Variants in NCK1 observed in about 807,000 individuals in gnomAD.
NCK1 encodes SH2/SH3 adapter protein NCK1.
In NCK1, 19 loss-of-function variants were observed where a neutral mutation model predicts 36.6. The observed-to-expected ratio is 0.52, with a 90% CI of 0.36 to 0.76. The LOEUF (loss-of-function observed/expected upper bound fraction) is 0.76. NCK1 is among the 30% of genes least tolerant of loss of function. NCK1 has a pLI of 0.00. For synonymous variants in NCK1, 165 were observed against 156.0 expected, an observed-to-expected ratio of 1.06 and a Z score of -0.43; for missense variants, 358 against 445.6, an observed-to-expected ratio of 0.80 and a Z score of 1.77.
At position 136,950,014 on chromosome 3, in the gene NCK1, C is replaced by T. The variant is rs1040973907; in HGVS notation, c.*1561C>T. On this transcript the variant is annotated 3_prime_UTR_variant, in exon 4 of 4. Coordinates refer to ENST00000481752, the MANE Select transcript of NCK1 (RefSeq NM_001291999.2). ...CTTTTAAAACATTTTAGTTCATATT[C>T]TATTATTTTTCTAACTCAGTACTCC... Among the ~76,000 whole-genome samples, 22 of 151,920 alleles carry T rather than the reference C, an allele frequency of 1.4e-4. No homozygotes were observed. The highest frequency in any genetic ancestry group is 3.1e-4 in the Non-Finnish European group (21 of 67,904).
At chr3:136,913,498 G>C (rs963994873) in intron 1 of NCK1, among the ~76,000 whole-genome samples, 1 of 152,058 alleles carries the variant, frequency 6.6e-6, no homozygotes, top group African/African-American at 2.4e-5. Flanking sequence ...GAACTCCTAG[G>C]CTCAAGCAGT....
At chr3:136,912,152 A>G (rs945210648) in intron 1 of NCK1, among the ~76,000 whole-genome samples, 1 of 123,008 alleles carries the variant, frequency 8.1e-6, no homozygotes, top group Non-Finnish European at 1.7e-5. Context: ...GTTTTTAGCT[A>G]TTATTTTTTC....
At chr3:136,870,709 G>A (rs1476883545) in intron 1 of NCK1, among the ~76,000 whole-genome samples, 1 of 132,912 alleles carries the variant, frequency 7.5e-6, no homozygotes, top group East Asian at 2.3e-4. Context: ...AAAAAAAAAG[G>A]CCTGTGAGGT....
At position 136,927,970 on chromosome 3, in the gene NCK1, C is replaced by T. The variant is rs200656170; in HGVS notation, c.-18-14C>T. 172 of 1,513,950 alleles carry T rather than the reference C, an allele frequency of 1.1e-4. No individual in the cohort carries two copies. Among genetic ancestry groups the T allele is most frequent in the Non-Finnish European group, 1.5e-4 (165 of 1,094,950 alleles). 93.8% of individuals were successfully genotyped at this position (1,513,950 alleles called of 1,614,324 possible). A position where few individuals can be genotyped will look rare whatever the true frequency, so the allele number is the denominator to read the frequency against. On this transcript the variant is annotated splice_polypyrimidine_tract_variant and intron_variant, in intron 1 of 3. Transcript: ENST00000481752. ...CCTCAACCTTACATAAAAATATTTT[C>T]CATGTGTTTACAGTGCTGAAGCTGC...
intron 1 of NCK1, chr3:136,889,044 A>ATTTTTTTT (rs58385753): frequency 2.2e-3 from 198 of 91,218 alleles, no homozygotes; most frequent in African/African-American, 2.4e-3. Flanking sequence ...TAATTTTTTG[A>ATTTTTTTT]TTTTTTTTTT....
chr3:136,873,865 C>T (rs1235776279), intron 1 of NCK1, among the ~76,000 whole-genome samples: 2 of 152,182 alleles, frequency 1.3e-5, no homozygotes, highest in Admixed American at 6.5e-5. Flanking sequence ...TGAGGCCTCT[C>T]CAGCCACATG....
chr3:136,864,418 G>C (rs1053648984), intron 1 of NCK1, among the ~76,000 whole-genome samples: 1 of 152,000 alleles, frequency 6.6e-6, no homozygotes, highest in African/African-American at 2.4e-5. Flanking sequence ...ATGAACCCGG[G>C]AGTCGGAGGT....
chr3:136,945,358 T>G (rs1357522247), intron 2 of NCK1, among the ~76,000 whole-genome samples: 1 of 152,172 alleles, frequency 6.6e-6, no homozygotes, highest in Non-Finnish European at 1.5e-5. Flanking sequence ...GAAAAGATGG[T>G]GAACTGTCAT....
rs1193225368 is a variant in NCK1, at chr3:136,875,673, AAGAGACTT to A, written c.-19+13324_-19+13331del. ...TAAAGCAAGTCCTGAGTGACCTACA[AAGAGACTT>A]AGACTCCCACACATTAATAATGGGA... On this transcript the variant is annotated intron_variant, in intron 1 of 3. Coordinates refer to ENST00000481752, the MANE Select transcript of NCK1 (RefSeq NM_001291999.2). Among the ~76,000 whole-genome samples, 6 of 150,632 alleles carry A rather than the reference AAGAGACTT, an allele frequency of 4.0e-5. No individual in the cohort carries two copies. In the East Asian group the frequency reaches 9.7e-4, roughly 24 times the overall value.
At position 136,867,109 on chromosome 3, in the gene NCK1, TTTCTTTCTTTG is replaced by T. The variant is rs1938456211; in HGVS notation, c.-19+4759_-19+4769del. On this transcript the variant is annotated intron_variant, in intron 1 of 3. Transcript: ENST00000481752. ...CTTTCTTTCTTTCTTTCTTTCTTTC[TTTCTTTCTTTG>T]TTTCTTTCTTTCCTTCCTTCCTTCC... 4.2e-4 allele frequency among the ~76,000 whole-genome samples: 14 copies of T among 33,314 alleles called. 4 individuals carry two copies. The highest frequency in any genetic ancestry group is 1.3e-3 in the African/African-American group (12 of 9,070). 21.9% of individuals were successfully genotyped at this position (33,314 alleles called of 152,430 possible).
chr3:136,885,229 T>C (rs1939046661), intron 1 of NCK1, among the ~76,000 whole-genome samples: 1 of 152,182 alleles, frequency 6.6e-6, no homozygotes, highest in Non-Finnish European at 1.5e-5. Flanking sequence ...CATGAGTTGA[T>C]GATTTTAGCT....
intron 1 of NCK1, among the ~76,000 whole-genome samples, chr3:136,906,211 T>G (rs1177128320): frequency 6.6e-6 from 1 of 152,170 alleles, no homozygotes; most frequent in Non-Finnish European, 1.5e-5. Context: ...CAGTGGTGTC[T>G]GTGATTTCTT....
At chr3:136,897,519 G>A (rs1939421410) in intron 1 of NCK1, among the ~76,000 whole-genome samples, 1 of 152,058 alleles carries the variant, frequency 6.6e-6, no homozygotes, top group Non-Finnish European at 1.5e-5. Context: ...CCATTTGTAT[G>A]CCTTTCTTTG....
chr3:136,874,536 T>C (rs1220308274), intron 1 of NCK1, among the ~76,000 whole-genome samples: 1 of 152,244 alleles, frequency 6.6e-6, no homozygotes, highest in African/African-American at 2.4e-5. Context: ...TATATACACA[T>C]TGGAGTAGAA....
At chr3:136,908,214 G>A (rs549349837) in intron 1 of NCK1, among the ~76,000 whole-genome samples, 4 of 152,226 alleles carry the variant, frequency 2.6e-5, no homozygotes, top group South Asian at 2.1e-4. Context: ...ACATAGGTCC[G>A]CAACCGTATC....
In NCK1 at chr3:136,928,241, TA is replaced by T. The variant is rs889691574; in HGVS notation, c.226+18del. 7 of 1,580,678 alleles carry T rather than the reference TA, an allele frequency of 4.4e-6. No homozygotes were observed. Among genetic ancestry groups the T allele is most frequent in the African/African-American group, 2.7e-5 (2 of 72,750 alleles). On this transcript the variant is annotated intron_variant, in intron 2 of 3. Coordinates refer to ENST00000481752, the MANE Select transcript of NCK1 (RefSeq NM_001291999.2). Reference sequence around the variant, plus strand: ...AGGATACCTTAGGTAAGATATTTTTTAAAAGAAAAGCAACTTTGTTTTAAAT... The same window carrying T: ...AGGATACCTTAGGTAAGATATTTTTTAAAGAAAAGCAACTTTGTTTTAAAT...
At chr3:136,905,191 T>A (rs1281382763) in intron 1 of NCK1, among the ~76,000 whole-genome samples, 1 of 151,792 alleles carries the variant, frequency 6.6e-6, no homozygotes, top group Non-Finnish European at 1.5e-5. Context: ...CGGCAATTTT[T>A]TTGTATTCTT....
chr3:136,882,596 G>A (rs1195152339), intron 1 of NCK1, among the ~76,000 whole-genome samples: 2 of 147,698 alleles, frequency 1.4e-5, no homozygotes, highest in Non-Finnish European at 1.5e-5. Flanking sequence ...TGTGTTGAGG[G>A]GCACCTTTGC....
chr3:136,872,209 T>G (rs1938645099), intron 1 of NCK1, among the ~76,000 whole-genome samples: 2 of 152,174 alleles, frequency 1.3e-5, no homozygotes, highest in African/African-American at 4.8e-5. Flanking sequence ...AAATGCTGAT[T>G]GCGATATGGA....
Sources: gnomAD v4.1 joint callset for allele counts (sites outside exome capture counted in the v4.1 genomes callset) on GRCh38, gnomAD v4.1.1 for gene constraint, MANE v1.5 for transcripts, NCBI Gene and HGNC (gene_info 2026-07-23, HGNC 2026-07-21) for gene names.